SLMAP: variants seen among roughly 807,000 people sequenced by gnomAD.
SLMAP encodes the protein sarcolemmal membrane-associated protein.
Under a neutral mutation model 128.8 loss-of-function variants are expected in SLMAP, and 44 were observed. That is an observed-to-expected ratio of 0.34 (90% CI 0.27 to 0.44). The LOEUF (loss-of-function observed/expected upper bound fraction) is 0.44. SLMAP is among the 20% of genes least tolerant of loss of function. The probability of loss-of-function intolerance (pLI) is 1.00; values close to 1 mark genes in which losing one functional copy is unlikely to be tolerated. For missense variants in SLMAP, 787 were observed against 985.3 expected, an observed-to-expected ratio of 0.80 and a Z score of 2.69; for synonymous variants, 327 against 348.8, an observed-to-expected ratio of 0.94 and a Z score of 0.70.
intron 22 of SLMAP, among the ~76,000 whole-genome samples, chr3:57,918,729 G>T (rs2096860325): frequency 6.6e-6 from 1 of 152,132 alleles, no homozygotes; most frequent in African/African-American, 2.4e-5. Flanking sequence ...TTTTATTGAT[G>T]CACATATATT....
chr3:57,873,850 G>A (rs1260797195), intron 14 of SLMAP, among the ~76,000 whole-genome samples: 1 of 152,120 alleles, frequency 6.6e-6, no homozygotes, highest in Non-Finnish European at 1.5e-5. Flanking sequence ...GCTGGGAGCT[G>A]TGGCTTATGC....
rs539675955 is a variant in SLMAP at position 57,866,689 on chromosome 3, C to G, written c.1237+1397C>G. On this transcript the variant is annotated intron_variant, in intron 13 of 24. Transcript: ENST00000671191. The stretch of plus-strand genomic sequence containing the variant: ...CTTGAGCTCAGGAGTTTCAGACCAG[C>G]CTGAGCATCATGGTGAAACTTTATC... Among the ~76,000 whole-genome samples the G allele has an allele frequency of 8.5e-5, 13 of 152,244 alleles. 1 individual carries two copies. In the South Asian group the frequency reaches 2.3e-3, roughly 27 times the overall value.
chr3:57,896,676 T>A (rs2096251065), intron 16 of SLMAP, 85 bp downstream of exon 16: 1 of 1,267,028 alleles, frequency 7.9e-7, no homozygotes, highest in Non-Finnish European at 1.1e-6. Context: ...GATTTCAAAG[T>A]ATGTGTTTGG....
intron 22 of SLMAP, among the ~76,000 whole-genome samples, chr3:57,919,704 G>C (rs1294254448): frequency 6.6e-6 from 1 of 150,998 alleles, no homozygotes; most frequent in Non-Finnish European, 1.5e-5. Context: ...TGAGGCAGGA[G>C]AATCGCTTTG....
chr3:57,887,740 T>C (rs1349271391), intron 14 of SLMAP, among the ~76,000 whole-genome samples: 2 of 152,174 alleles, frequency 1.3e-5, no homozygotes, highest in Admixed American at 1.3e-4. Context: ...TGGCCCTGGC[T>C]AGCATCAGTC....
chr3:57,806,062 T>G (rs763631341), intron 2 of SLMAP, among the ~76,000 whole-genome samples: 13 of 152,200 alleles, frequency 8.5e-5, no homozygotes, highest in Middle Eastern at 3.4e-3. Flanking sequence ...AAATTTTACT[T>G]TAAGTTCTGG....
Position 57,929,321 on chromosome 3 carries a change from G to A in SLMAP, c.*2032G>A, listed in dbSNP as rs370554533. On this transcript the variant is annotated 3_prime_UTR_variant, in exon 25 of 25. Transcript: ENST00000671191. Reference sequence around the variant, plus strand: ...GAAAACACTGAGCTGTTTCCTCCAAGTTTTATTAACCTTTTATTTAACTTA... The same window carrying A: ...GAAAACACTGAGCTGTTTCCTCCAAATTTTATTAACCTTTTATTTAACTTA... 4.2e-4 allele frequency among the ~76,000 whole-genome samples: 64 copies of A among 152,170 alleles called. 2 individuals are homozygous for A. In the East Asian group the frequency reaches 0.012, roughly 29 times the overall value.
chr3:57,795,173 A>C (rs1256023594), intron 2 of SLMAP, among the ~76,000 whole-genome samples: 5 of 152,204 alleles, frequency 3.3e-5, no homozygotes, highest in African/African-American at 9.6e-5. Context: ...ATGACTAATA[A>C]TTGAGCATCA....
intron 6 of SLMAP, among the ~76,000 whole-genome samples, chr3:57,852,700 T>C (rs2094550705): frequency 6.6e-6 from 1 of 152,236 alleles, no homozygotes; most frequent in Non-Finnish European, 1.5e-5. Flanking sequence ...ACCTCATTTT[T>C]CATATGAGAA....
intron 6 of SLMAP, among the ~76,000 whole-genome samples, chr3:57,857,507 C>T (rs1384441249): frequency 6.6e-6 from 1 of 152,190 alleles, no homozygotes; most frequent in South Asian, 2.1e-4. Context: ...CTGTCTGTCT[C>T]TCTCAAAATA....
intron 2 of SLMAP, among the ~76,000 whole-genome samples, chr3:57,758,790 G>C (rs938051023): frequency 4.6e-5 from 7 of 152,186 alleles, no homozygotes; most frequent in Admixed American, 3.3e-4. Flanking sequence ...ATTTATGTTT[G>C]TGGAGAGTAT....
intron 2 of SLMAP, among the ~76,000 whole-genome samples, chr3:57,760,344 G>A (rs1448684558): frequency 4.9e-4 from 74 of 152,104 alleles, no homozygotes; most frequent in Admixed American, 4.8e-3. Context: ...ATAACACGCA[G>A]GCTATGAGAC....
At chr3:57,792,661 C>T (rs1226207266) in intron 2 of SLMAP, among the ~76,000 whole-genome samples, 1 of 151,838 alleles carries the variant, frequency 6.6e-6, no homozygotes, top group Non-Finnish European at 1.5e-5. Context: ...CCATTTAAGT[C>T]GTTAACTCTT....
chr3:57,779,665 T>C (rs748836098), intron 2 of SLMAP, among the ~76,000 whole-genome samples: 3 of 152,164 alleles, frequency 2.0e-5, no homozygotes, highest in Non-Finnish European at 4.4e-5. Context: ...TATTACATGT[T>C]GCAAGATGTT....
chr3:57,792,040 C>T (rs2085582614), intron 2 of SLMAP, among the ~76,000 whole-genome samples: 1 of 152,022 alleles, frequency 6.6e-6, no homozygotes. Context: ...AAGTATCTTA[C>T]TTAAAAAGAA....
At chr3:57,794,666 T>C (rs954432020) in intron 2 of SLMAP, among the ~76,000 whole-genome samples, 4 of 152,226 alleles carry the variant, frequency 2.6e-5, no homozygotes, top group Non-Finnish European at 4.4e-5. Context: ...CTGGACATTT[T>C]ATATCGATGG....
intron 2 of SLMAP, among the ~76,000 whole-genome samples, chr3:57,771,920 G>T (rs1271554099): frequency 6.6e-6 from 1 of 152,186 alleles, no homozygotes; most frequent in African/African-American, 2.4e-5. Context: ...CTTACTTGAA[G>T]ATTTGAAATT....
intron 4 of SLMAP, among the ~76,000 whole-genome samples, chr3:57,844,191 G>A (rs2094126633): frequency 6.6e-6 from 1 of 151,984 alleles, no homozygotes; most frequent in African/African-American, 2.4e-5. Context: ...TCAGGAGTTT[G>A]AGACTAGCCT....
intron 2 of SLMAP, among the ~76,000 whole-genome samples, chr3:57,771,539 CTT>C (rs977623988): frequency 6.6e-6 from 1 of 150,986 alleles, no homozygotes; most frequent in Admixed American, 6.6e-5. Flanking sequence ...CCTTTTTCTT[CTT>C]TTTTTTTAGA....
Sources: gnomAD v4.1 joint callset for allele counts (sites outside exome capture counted in the v4.1 genomes callset) on GRCh38, gnomAD v4.1.1 for gene constraint, MANE v1.5 for transcripts, NCBI Gene and HGNC (gene_info 2026-07-23, HGNC 2026-07-21) for gene names.